Variants in SRD5A2 observed in about 807,000 individuals in gnomAD.
The protein encoded by SRD5A2 is steroid 5 alpha-reductase 2.
A neutral mutation model predicts 27.4 loss-of-function variants in SRD5A2; 30 were observed. That is an observed-to-expected ratio of 1.10 (90% CI 0.82 to 1.49). The LOEUF is 1.49. Among genes scored for constraint, SRD5A2 ranks in the 40% most tolerant of loss-of-function variants. The pLI is 0.00. For synonymous variants in SRD5A2, 141 were observed against 133.6 expected, an observed-to-expected ratio of 1.06 and a Z score of -0.38; for missense variants, 348 against 323.4, an observed-to-expected ratio of 1.08 and a Z score of -0.58.
the SRD5A2 span, among the ~76,000 whole-genome samples, chr2:31,594,427 T>C: frequency 6.6e-6 from 1 of 152,104 alleles, no homozygotes; most frequent in Non-Finnish European, 1.5e-5. Flanking sequence ...AAACAGACTT[T>C]AAAACAATAA....
chr2:31,597,544 A>T, the SRD5A2 span, among the ~76,000 whole-genome samples: 1 of 152,126 alleles, frequency 6.6e-6, no homozygotes, highest in East Asian at 1.9e-4. Flanking sequence ...GAAAATCTTC[A>T]CAATCTATAC....
chr2:31,614,871 T>C, the SRD5A2 span, among the ~76,000 whole-genome samples: 1 of 152,128 alleles, frequency 6.6e-6, no homozygotes, highest in South Asian at 2.1e-4. Flanking sequence ...TTCCCATGTG[T>C]TGTGGGAGGG....
chr2:31,640,232 A>C, the SRD5A2 span, among the ~76,000 whole-genome samples: 1 of 151,070 alleles, frequency 6.6e-6, no homozygotes, highest in Non-Finnish European at 1.5e-5. Context: ...TTTCTGATAC[A>C]TTTTTGAATT....
chr2:31,590,739 C>A, the SRD5A2 span, among the ~76,000 whole-genome samples: 1 of 152,090 alleles, frequency 6.6e-6, no homozygotes, highest in South Asian at 2.1e-4. Flanking sequence ...TACTTATAGA[C>A]CAATGGAACA....
upstream of SRD5A2, among the ~76,000 whole-genome samples, chr2:31,584,821 G>C (rs190123899): frequency 6.4e-3 from 971 of 152,324 alleles, 13 homozygotes; most frequent in African/African-American, 0.022. Flanking sequence ...TGCAAGCAAA[G>C]CTCCTTCACA....
At chr2:31,529,711 C>CT (rs1213504184) in intron 3 of SRD5A2, among the ~76,000 whole-genome samples, 2 of 152,162 alleles carry the variant, frequency 1.3e-5, no homozygotes, top group East Asian at 1.9e-4. Context: ...ATCCAAATCT[C>CT]TAACAACTGC....
chr2:31,621,213 CA>C, the SRD5A2 span, among the ~76,000 whole-genome samples: 1 of 151,824 alleles, frequency 6.6e-6, no homozygotes, highest in Non-Finnish European at 1.5e-5. Flanking sequence ...ATGTCATCAC[CA>C]CAAAGGTTCC....
chr2:31,545,107 C>A (rs1666217601), intron 1 of SRD5A2, among the ~76,000 whole-genome samples: 1 of 151,706 alleles, frequency 6.6e-6, no homozygotes, highest in Admixed American at 6.6e-5. Context: ...CTAACAGTTT[C>A]ACTGGTGAAT....
the SRD5A2 span, among the ~76,000 whole-genome samples, chr2:31,658,752 C>G: frequency 6.6e-6 from 1 of 152,000 alleles, no homozygotes; most frequent in Non-Finnish European, 1.5e-5. Context: ...AAAAAAAGTT[C>G]AGGCCAGATG....
intron 1 of SRD5A2, among the ~76,000 whole-genome samples, chr2:31,559,809 A>G (rs1666576981): frequency 1.3e-5 from 2 of 150,260 alleles, no homozygotes; most frequent in South Asian, 4.2e-4. Context: ...CCAATACATC[A>G]GTGCCCATAA....
the SRD5A2 span, among the ~76,000 whole-genome samples, chr2:31,639,811 T>C: frequency 4.6e-5 from 7 of 151,248 alleles, no homozygotes; most frequent in Admixed American, 1.3e-4. Flanking sequence ...TTGATTCTTA[T>C]ATGTTTGGGG....
the SRD5A2 span, among the ~76,000 whole-genome samples, chr2:31,642,350 A>T: frequency 6.6e-6 from 1 of 152,202 alleles, no homozygotes; most frequent in African/African-American, 2.4e-5. Context: ...CTTTTTGACC[A>T]AGTCCTTGCA....
Position 31,523,244 on chromosome 2 carries a change from C to T in SRD5A2, c.*2952G>A, listed in dbSNP as rs913732535. On this transcript the variant is annotated 3_prime_UTR_variant, in exon 5 of 5. Transcript: ENST00000622030. ...TTTATGAAAGGGCATGAGCCTGGTG[C>T]TCCCACGGAGCGAGGGAAGCCTCAC... The T allele has an allele frequency of 4.6e-6, 1 of 216,340 alleles. No individual in the cohort carries two copies. Among genetic ancestry groups the T allele is most frequent in the Non-Finnish European group, 9.3e-6 (1 of 107,446 alleles). 13.4% of individuals were successfully genotyped at this position (216,340 alleles called of 1,614,324 possible). A position where few individuals can be genotyped will look rare whatever the true frequency, so the allele number is the denominator to read the frequency against.
the SRD5A2 span, among the ~76,000 whole-genome samples, chr2:31,587,477 C>T: frequency 6.6e-6 from 1 of 152,018 alleles, no homozygotes. Flanking sequence ...GCACTATTTA[C>T]AATAGCAAAG....
chr2:31,535,016 TGA>T (rs1326842836), intron 1 of SRD5A2, among the ~76,000 whole-genome samples: 5 of 149,078 alleles, frequency 3.4e-5, no homozygotes, highest in African/African-American at 1.3e-4. Flanking sequence ...GCATTATGTG[TGA>T]GTCAATTTTT....
intron 1 of SRD5A2, among the ~76,000 whole-genome samples, chr2:31,564,888 A>G (rs1177014109): frequency 6.6e-6 from 1 of 152,024 alleles, no homozygotes; most frequent in African/African-American, 2.4e-5. Context: ...ATAGAAATAT[A>G]AATCAACCCT....
At chr2:31,528,358 C>T (rs1291999492) in intron 4 of SRD5A2, among the ~76,000 whole-genome samples, 3 of 152,340 alleles carry the variant, frequency 2.0e-5, no homozygotes, top group African/African-American at 7.2e-5. Context: ...TTCTGGAGTT[C>T]CAGGGCTCTG....
At chr2:31,617,122 G>A in the SRD5A2 span, among the ~76,000 whole-genome samples, 5 of 152,088 alleles carry the variant, frequency 3.3e-5, no homozygotes, top group South Asian at 2.1e-4. Flanking sequence ...CCCCAGCCAC[G>A]AGGAACTGTA....
chr2:31,594,381 A>G, the SRD5A2 span, among the ~76,000 whole-genome samples: 1 of 152,220 alleles, frequency 6.6e-6, no homozygotes, highest in East Asian at 1.9e-4. Flanking sequence ...AATGGAAACC[A>G]AAAGCGAGCA....
Sources: allele counts gnomAD v4.1 joint callset (sites outside exome capture counted in the v4.1 genomes callset), GRCh38; gene constraint gnomAD v4.1.1; transcripts MANE v1.5; gene names NCBI Gene and HGNC (gene_info 2026-07-23, HGNC 2026-07-21).